The following DOK5 variants were observed in gnomAD, a reference collection of about 807,000 sequenced individuals.
DOK5 encodes the protein downstream of tyrosine kinase 5.
Under a neutral mutation model 43.3 loss-of-function variants are expected in DOK5, and 27 were observed. The observed-to-expected ratio is 0.62, with a 90% CI of 0.46 to 0.86. The LOEUF (loss-of-function observed/expected upper bound fraction) is 0.86. Among genes scored for constraint, DOK5 ranks in the 40% least tolerant of loss-of-function variants. The pLI is 0.00. For synonymous variants in DOK5, 146 were observed against 140.1 expected, an observed-to-expected ratio of 1.04 and a Z score of -0.30; for missense variants, 373 against 392.9, an observed-to-expected ratio of 0.95 and a Z score of 0.43.
chr20:54,556,270 C>T (rs1984705467), intron 2 of DOK5, among the ~76,000 whole-genome samples: 4 of 152,144 alleles, frequency 2.6e-5, no homozygotes, highest in Admixed American at 2.6e-4. Context: ...CAATGGAGAA[C>T]CCACTTATAC....
chr20:54,630,836 T>C (rs1038019673), intron 6 of DOK5, among the ~76,000 whole-genome samples: 3 of 152,242 alleles, frequency 2.0e-5, no homozygotes, highest in African/African-American at 4.8e-5. Flanking sequence ...CTAAAATCTA[T>C]TGTAATATGC....
chr20:54,588,930 C>A (rs1985897504), intron 4 of DOK5, 124 bp downstream of exon 4: 1 of 990,670 alleles, frequency 1.0e-6, no homozygotes, highest in Non-Finnish European at 1.4e-6. Flanking sequence ...AATAAGTAAT[C>A]TTTTATCTAA....
intron 5 of DOK5, among the ~76,000 whole-genome samples, chr20:54,608,521 C>T (rs1208002516): frequency 6.6e-6 from 1 of 152,170 alleles, no homozygotes; most frequent in Non-Finnish European, 1.5e-5. Flanking sequence ...TGGGACTTTA[C>T]TGAAAATGCC....
intron 2 of DOK5, among the ~76,000 whole-genome samples, chr20:54,555,982 C>G (rs1260145052): frequency 1.3e-5 from 2 of 152,086 alleles, no homozygotes; most frequent in African/African-American, 4.8e-5. Context: ...AGTGACTTTT[C>G]GACACCTTAT....
At chr20:54,505,300 T>C (rs1982763842) in intron 1 of DOK5, among the ~76,000 whole-genome samples, 1 of 152,074 alleles carries the variant, frequency 6.6e-6, no homozygotes, top group Admixed American at 6.6e-5. Flanking sequence ...GCCATACCCA[T>C]TAGTTTACAT....
intron 6 of DOK5, among the ~76,000 whole-genome samples, chr20:54,619,023 T>TA (rs1986901294): frequency 2.3e-5 from 1 of 43,394 alleles, no homozygotes; most frequent in Non-Finnish European, 4.6e-5. Context: ...TTTCAATAAA[T>TA]TATATATATA....
rs138300709 is a variant in DOK5 at position 54,508,497 on chromosome 20, A to C, written c.66+32485A>C. ...TGGAAATAAGGAAGTGGGTAAGGTG[A>C]TGGTGAGGGAGTGTTGAGAACTGTG... On this transcript the variant is annotated intron_variant, in intron 1 of 7. Transcript: ENST00000262593. Among the ~76,000 whole-genome samples the C allele has an allele frequency of 2.7e-3, 404 of 151,066 alleles. 1 individual carries two copies. The highest frequency in any genetic ancestry group is 3.8e-3 in the Non-Finnish European group (261 of 67,906).
chr20:54,644,442 C>T lies in DOK5; in HGVS notation c.856+864C>T, dbSNP rs186675686. On this transcript the variant is annotated intron_variant, in intron 7 of 7. Transcript: ENST00000262593. The stretch of plus-strand genomic sequence containing the variant: ...ATACAAGGCCGGGCGCAGTGGCTCA[C>T]GCCTGTAATCCCAGCACTTTGGGAG... 5.4e-3 allele frequency among the ~76,000 whole-genome samples: 820 copies of T among 152,160 alleles called. 12 individuals carry two copies. Among genetic ancestry groups the T allele is most frequent in the African/African-American group, 0.019 (785 of 41,522 alleles).
intron 6 of DOK5, among the ~76,000 whole-genome samples, chr20:54,611,055 G>A (rs1986635679): frequency 6.6e-6 from 1 of 152,170 alleles, no homozygotes; most frequent in African/African-American, 2.4e-5. Context: ...GTAACTGTTG[G>A]AAATTAATTC....
intron 2 of DOK5, among the ~76,000 whole-genome samples, chr20:54,584,115 G>A (rs1163437685): frequency 6.6e-6 from 1 of 151,998 alleles, no homozygotes; most frequent in African/African-American, 2.4e-5. Context: ...CTGTGCACAA[G>A]CCTGGGTGAC....
intron 5 of DOK5, among the ~76,000 whole-genome samples, chr20:54,597,712 A>C (rs1283398437): frequency 6.6e-6 from 1 of 152,194 alleles, no homozygotes; most frequent in Non-Finnish European, 1.5e-5. Context: ...TTCTTAGTTA[A>C]CTTCTGCAGA....
At chr20:54,564,407 G>A (rs144647210) in intron 2 of DOK5, among the ~76,000 whole-genome samples, 5 of 152,198 alleles carry the variant, frequency 3.3e-5, no homozygotes, top group African/African-American at 7.2e-5. Context: ...TTCCAGCCTC[G>A]GCGACAAAGC....
intron 2 of DOK5, among the ~76,000 whole-genome samples, chr20:54,566,020 A>AC (rs1985085091): frequency 6.6e-6 from 1 of 151,650 alleles, no homozygotes; most frequent in African/African-American, 2.4e-5. Context: ...CCGTCTCAAA[A>AC]AAAAAAAAAA....
chr20:54,635,957 C>T (rs1978806109), intron 6 of DOK5, among the ~76,000 whole-genome samples: 1 of 152,114 alleles, frequency 6.6e-6, no homozygotes, highest in Non-Finnish European at 1.5e-5. Flanking sequence ...GTTCTAGAGG[C>T]TGGGAAGTCC....
At chr20:54,528,448 C>A (rs776157314) in intron 1 of DOK5, among the ~76,000 whole-genome samples, 60 of 152,048 alleles carry the variant, frequency 3.9e-4, no homozygotes, top group Non-Finnish European at 7.1e-4. Context: ...TACGGCTTCC[C>A]ACCTAGAGGT....
At chr20:54,479,836 T>C (rs79389219) in intron 1 of DOK5, among the ~76,000 whole-genome samples, 3,588 of 152,222 alleles carry the variant, frequency 0.024, 120 homozygotes, top group African/African-American at 0.081. Context: ...AGCATTTTGG[T>C]TGCGAAGGTA....
intron 2 of DOK5, among the ~76,000 whole-genome samples, chr20:54,583,694 T>G (rs558510348): frequency 2.6e-4 from 40 of 152,314 alleles, no homozygotes; most frequent in African/African-American, 9.4e-4. Flanking sequence ...ATATAAGTAT[T>G]GCCACCCCTA....
intron 6 of DOK5, among the ~76,000 whole-genome samples, chr20:54,638,920 A>G (rs576907197): frequency 6.6e-6 from 1 of 152,002 alleles, no homozygotes; most frequent in African/African-American, 2.4e-5. Flanking sequence ...TGACCTCATG[A>G]TCCATCCACC....
At chr20:54,532,661 T>A (rs533856329) in intron 1 of DOK5, among the ~76,000 whole-genome samples, 20 of 152,248 alleles carry the variant, frequency 1.3e-4, no homozygotes, top group Non-Finnish European at 2.5e-4. Flanking sequence ...AGCCTCTGTT[T>A]TGTTTCTTTT....
Sources: allele counts gnomAD v4.1 joint callset (sites outside exome capture counted in the v4.1 genomes callset), GRCh38; gene constraint gnomAD v4.1.1; transcripts MANE v1.5; gene names NCBI Gene and HGNC (gene_info 2026-07-23, HGNC 2026-07-21).